Variants in SLC25A48 observed in about 807,000 individuals in gnomAD.
SLC25A48 encodes the protein solute carrier family 25 member 48.
SLC25A48 carries 29 observed loss-of-function variants against 32.2 expected under a neutral mutation model. That is an observed-to-expected ratio of 0.90 (90% confidence interval 0.67 to 1.23). The LOEUF (loss-of-function observed/expected upper bound fraction) is 1.23. Ranked by LOEUF, SLC25A48 falls within the 50% of genes most tolerant of loss-of-function variation. The pLI is 0.00. For missense variants in SLC25A48, 399 were observed against 422.7 expected (o/e 0.94, Z 0.49); for synonymous variants, 164 against 172.3 (o/e 0.95, Z 0.38).
At chr5:135,655,452 T>C (rs1212832838) in intron 3 of SLC25A48, among the ~76,000 whole-genome samples, 1 of 152,090 alleles carries the variant, frequency 6.6e-6, no homozygotes, top group Non-Finnish European at 1.5e-5. Flanking sequence ...ACTCAGACAG[T>C]GAGAAGTGGT....
At chr5:135,859,533 T>C (rs897631816) in intron 4 of SLC25A48, among the ~76,000 whole-genome samples, 1 of 152,246 alleles carries the variant, frequency 6.6e-6, no homozygotes, top group African/African-American at 2.4e-5. Context: ...AGAGTTTATT[T>C]GACACAAGGC....
chr5:135,745,862 C>G (rs572667365), intron 3 of SLC25A48, among the ~76,000 whole-genome samples: 9 of 152,224 alleles, frequency 5.9e-5, no homozygotes, highest in African/African-American at 2.2e-4. Flanking sequence ...AAGAAAATAG[C>G]TGGCAGAGCC....
chr5:135,613,341 A>T (rs187315906), intron 1 of SLC25A48, among the ~76,000 whole-genome samples: 1 of 152,122 alleles, frequency 6.6e-6, no homozygotes, highest in Non-Finnish European at 1.5e-5. Context: ...CCTTTATTGG[A>T]TGAATACTTT....
intron 3 of SLC25A48, among the ~76,000 whole-genome samples, chr5:135,803,357 A>T (rs1318699015): frequency 6.6e-6 from 1 of 151,546 alleles, no homozygotes; most frequent in East Asian, 1.9e-4. Context: ...CTAATATCAC[A>T]GTAGGTGTAC....
chr5:135,837,767 G>A (rs1758655380), intron 1 of SLC25A48, among the ~76,000 whole-genome samples: 1 of 152,134 alleles, frequency 6.6e-6, no homozygotes, highest in African/African-American at 2.4e-5. Flanking sequence ...TTATTGTGTG[G>A]CCTCCCCAGC....
chr5:135,815,812 G>A (rs1365860189), intron 4 of SLC25A48, among the ~76,000 whole-genome samples: 1 of 152,050 alleles, frequency 6.6e-6, no homozygotes, highest in Non-Finnish European at 1.5e-5. Flanking sequence ...ATTATGACCT[G>A]TAATACAGAT....
intron 3 of SLC25A48, among the ~76,000 whole-genome samples, chr5:135,809,289 A>G (rs1411337573): frequency 2.0e-5 from 3 of 152,158 alleles, no homozygotes; most frequent in Non-Finnish European, 4.4e-5. Flanking sequence ...ATAGAGCAAG[A>G]CTGTCTCTCT....
At chr5:135,646,264 G>C (rs376933829) in intron 3 of SLC25A48, among the ~76,000 whole-genome samples, 1 of 151,860 alleles carries the variant, frequency 6.6e-6, no homozygotes, top group African/African-American at 2.4e-5. Context: ...TCTCCGGCCG[G>C]CTTGGCTCTG....
intron 4 of SLC25A48, among the ~76,000 whole-genome samples, chr5:135,823,623 A>T (rs879263313): frequency 2.0e-5 from 3 of 152,184 alleles, no homozygotes; most frequent in Admixed American, 2.0e-4. Context: ...TGGAATTTGT[A>T]ACTAACAGGA....
intron 3 of SLC25A48, among the ~76,000 whole-genome samples, chr5:135,797,273 G>C (rs1427824787): frequency 6.6e-6 from 1 of 151,864 alleles, no homozygotes; most frequent in Non-Finnish European, 1.5e-5. Context: ...TATCACAGGG[G>C]CTGTGACATT....
At chr5:135,642,605 T>C (rs1240361388) in intron 3 of SLC25A48, among the ~76,000 whole-genome samples, 1 of 152,040 alleles carries the variant, frequency 6.6e-6, no homozygotes, top group African/African-American at 2.4e-5. Flanking sequence ...CTCTTATTCA[T>C]TGGTTAATAA....
intron 3 of SLC25A48, among the ~76,000 whole-genome samples, chr5:135,691,054 A>G (rs990172711): frequency 1.3e-5 from 2 of 152,212 alleles, no homozygotes; most frequent in African/African-American, 2.4e-5. Context: ...AGTGAAATCA[A>G]TGAATTAAGG....
chr5:135,815,663 C>G (rs1263256626), intron 4 of SLC25A48, among the ~76,000 whole-genome samples: 3 of 152,168 alleles, frequency 2.0e-5, no homozygotes. Flanking sequence ...TTAGTTCTAT[C>G]CATCCATGTC....
At chr5:135,798,164 G>T (rs1249415018) in intron 3 of SLC25A48, among the ~76,000 whole-genome samples, 1 of 151,760 alleles carries the variant, frequency 6.6e-6, no homozygotes, top group Non-Finnish European at 1.5e-5. Flanking sequence ...TATCACAGGG[G>T]CTGTACACCT....
At chr5:135,611,865 A>G (rs959319487) in intron 1 of SLC25A48, among the ~76,000 whole-genome samples, 39 of 152,370 alleles carry the variant, frequency 2.6e-4, no homozygotes, top group African/African-American at 9.1e-4. Context: ...ATTTCATGCA[A>G]TAAGGCATGG....
chr5:135,719,278 A>G (rs1754889438), intron 3 of SLC25A48, among the ~76,000 whole-genome samples: 1 of 151,954 alleles, frequency 6.6e-6, no homozygotes, highest in African/African-American at 2.4e-5. Context: ...CCTAGAACCC[A>G]CTCTCTCATT....
chr5:135,663,685 C>T (rs1053790607), intron 3 of SLC25A48, among the ~76,000 whole-genome samples: 1 of 152,208 alleles, frequency 6.6e-6, no homozygotes, highest in Non-Finnish European at 1.5e-5. Flanking sequence ...ATGTAAACTG[C>T]GTTTCTGTGG....
chr5:135,615,544 G>A (rs1474317334), intron 1 of SLC25A48, among the ~76,000 whole-genome samples: 1 of 152,136 alleles, frequency 6.6e-6, no homozygotes, highest in Admixed American at 6.5e-5. Context: ...AATACCATAT[G>A]CTCACATAAA....
At chr5:135,662,853 G>A (rs1753436339) in intron 3 of SLC25A48, among the ~76,000 whole-genome samples, 1 of 151,964 alleles carries the variant, frequency 6.6e-6, no homozygotes, top group Admixed American at 6.6e-5. Context: ...TACATTCCAG[G>A]TGCATCCCAA....
Sources: allele counts gnomAD v4.1 joint callset (sites outside exome capture counted in the v4.1 genomes callset), GRCh38; gene constraint gnomAD v4.1.1; transcripts MANE v1.5; gene names NCBI Gene and HGNC (gene_info 2026-07-23, HGNC 2026-07-21).